Variants in NBEA observed in about 807,000 individuals in gnomAD.
NBEA encodes the protein neurobeachin.
Under a neutral mutation model 343.4 loss-of-function variants are expected in NBEA, and 44 were observed. That is an observed-to-expected ratio of 0.13 (90% CI 0.10 to 0.16). The LOEUF (loss-of-function observed/expected upper bound fraction) is 0.16, where lower values mean the gene tolerates loss of function less well. Ranked by LOEUF, NBEA falls within the 10% of genes least tolerant of loss-of-function variation. The probability of loss-of-function intolerance (pLI) is 1.00; values close to 1 mark genes in which losing one functional copy is unlikely to be tolerated. For missense variants in NBEA, 2,555 were observed against 3,631.3 expected, an observed-to-expected ratio of 0.70 and a Z score of 7.62; for synonymous variants, 1,175 against 1,238.7, an observed-to-expected ratio of 0.95 and a Z score of 1.08.
At chr13:35,212,149 T>G (rs1451334072) in intron 33 of NBEA, among the ~76,000 whole-genome samples, 1 of 152,192 alleles carries the variant, frequency 6.6e-6, no homozygotes, top group Non-Finnish European at 1.5e-5. Flanking sequence ...GAACGCCTAC[T>G]TTGCACTTTT....
intron 34 of NBEA, among the ~76,000 whole-genome samples, chr13:35,275,446 A>G (rs1194058781): frequency 2.0e-5 from 3 of 152,238 alleles, no homozygotes; most frequent in Non-Finnish European, 4.4e-5. Context: ...AGGCATGGGC[A>G]AGGACTTCAT....
intron 10 of NBEA, among the ~76,000 whole-genome samples, chr13:35,071,167 TG>T (rs1276118535): frequency 6.6e-6 from 1 of 152,070 alleles, no homozygotes; most frequent in African/African-American, 2.4e-5. Flanking sequence ...CATATACTCA[TG>T]GTTTGAATTG....
At position 35,649,777 on chromosome 13, in the gene NBEA, G is replaced by A. The variant is rs1451905590; in HGVS notation, c.7893G>A (p.Leu2631=). The change falls in exon 52 of 59, where the codon TTG becomes TTA. Residue 2631 remains leucine, a synonymous_variant. Coordinates refer to ENST00000379939, the MANE Select transcript of NBEA (RefSeq NM_001385012.1). ...THVAANTLPH[L]TIPAVVTVTC... ...TGGCAGCCAACACTCTGCCCCACTTGACCATCCCCGCAGTGGTGACAGTGA... is the reference window on the plus strand; with the variant it reads ...TGGCAGCCAACACTCTGCCCCACTTAACCATCCCCGCAGTGGTGACAGTGA... The A allele has an allele frequency of 6.2e-7, 1 of 1,613,826 alleles. No homozygotes were observed. Among genetic ancestry groups the A allele is most frequent in the Non-Finnish European group, 8.5e-7 (1 of 1,179,904 alleles).
At chr13:35,455,300 T>C (rs1186910477) in intron 40 of NBEA, among the ~76,000 whole-genome samples, 1 of 151,806 alleles carries the variant, frequency 6.6e-6, no homozygotes, top group African/African-American at 2.4e-5. Context: ...TAGAAGAAAG[T>C]ATGCTAATTA....
At chr13:35,564,386 G>C (rs907548785) in intron 44 of NBEA, among the ~76,000 whole-genome samples, 4 of 151,714 alleles carry the variant, frequency 2.6e-5, no homozygotes, top group Admixed American at 6.6e-5. Context: ...AAGTAGAACA[G>C]CTCCCCCAAG....
At chr13:35,639,641 A>T (rs2083848699) in intron 49 of NBEA, among the ~76,000 whole-genome samples, 1 of 152,182 alleles carries the variant, frequency 6.6e-6, no homozygotes, top group East Asian at 1.9e-4. Flanking sequence ...CAAAATGCTA[A>T]GGAAACTTTG....
intron 39 of NBEA, among the ~76,000 whole-genome samples, chr13:35,444,315 T>A (rs1237274018): frequency 6.6e-6 from 1 of 152,044 alleles, no homozygotes; most frequent in Non-Finnish European, 1.5e-5. Context: ...CAGCACCATT[T>A]AGAGTTACTA....
intron 41 of NBEA, among the ~76,000 whole-genome samples, chr13:35,489,247 G>A (rs2076415324): frequency 6.6e-6 from 1 of 151,888 alleles, no homozygotes; most frequent in Non-Finnish European, 1.5e-5. Flanking sequence ...ACATTCTCAA[G>A]TGAAGAGCTG....
At chr13:35,643,613 A>G (rs9601121) in intron 49 of NBEA, among the ~76,000 whole-genome samples, 414 of 152,352 alleles carry the variant, frequency 2.7e-3, no homozygotes, top group Non-Finnish European at 5.0e-3. Flanking sequence ...ACAAACAGAC[A>G]TACATAAATA....
intron 41 of NBEA, among the ~76,000 whole-genome samples, chr13:35,528,944 C>A (rs2078118881): frequency 6.6e-6 from 1 of 152,132 alleles, no homozygotes; most frequent in African/African-American, 2.4e-5. Flanking sequence ...GCCCCATATG[C>A]TATTCAAAGT....
chr13:35,154,654 AGAT>A (rs1327816964), intron 18 of NBEA, among the ~76,000 whole-genome samples: 1 of 152,198 alleles, frequency 6.6e-6, no homozygotes, highest in Non-Finnish European at 1.5e-5. Flanking sequence ...ATAACAGTGA[AGAT>A]GATGTTCAAA....
At chr13:35,243,367 A>G (rs1213571493) in intron 34 of NBEA, among the ~76,000 whole-genome samples, 2 of 151,924 alleles carry the variant, frequency 1.3e-5, no homozygotes, top group Non-Finnish European at 2.9e-5. Context: ...AGACAAAAAT[A>G]CAATGACATA....
chr13:35,398,684 A>G (rs2042859571), intron 38 of NBEA, among the ~76,000 whole-genome samples: 1 of 152,100 alleles, frequency 6.6e-6, no homozygotes, highest in Admixed American at 6.6e-5. Context: ...TCAGCTAACC[A>G]TGCTGTAAAC....
chr13:35,166,457 T>C (rs1187383886), intron 24 of NBEA, among the ~76,000 whole-genome samples: 1 of 152,174 alleles, frequency 6.6e-6, no homozygotes, highest in Non-Finnish European at 1.5e-5. Flanking sequence ...AGTTTGGAAT[T>C]TAAAATTATT....
chr13:35,266,474 C>T (rs1242865387), intron 34 of NBEA, among the ~76,000 whole-genome samples: 5 of 151,714 alleles, frequency 3.3e-5, no homozygotes, highest in South Asian at 2.1e-4. Flanking sequence ...AAAGAAAATA[C>T]GCTATATATA....
intron 40 of NBEA, among the ~76,000 whole-genome samples, chr13:35,469,410 G>A (rs2152957025): frequency 6.6e-6 from 1 of 152,144 alleles, no homozygotes; most frequent in Non-Finnish European, 1.5e-5. Context: ...TTTTAAATTA[G>A]ATAAATGGGA....
At chr13:35,520,904 A>G (rs1206399758) in intron 41 of NBEA, among the ~76,000 whole-genome samples, 1 of 151,960 alleles carries the variant, frequency 6.6e-6, no homozygotes, top group Non-Finnish European at 1.5e-5. Flanking sequence ...TTTCGGACAT[A>G]TCTTTACTGA....
At chr13:35,431,087 A>G (rs899207051) in intron 38 of NBEA, among the ~76,000 whole-genome samples, 6 of 152,076 alleles carry the variant, frequency 3.9e-5, no homozygotes, top group African/African-American at 1.2e-4. Context: ...ATGGCCATAC[A>G]TTGAAAAAAT....
intron 41 of NBEA, among the ~76,000 whole-genome samples, chr13:35,519,461 A>T (rs957092816): frequency 6.6e-6 from 1 of 152,154 alleles, no homozygotes; most frequent in Non-Finnish European, 1.5e-5. Context: ...AAATGTTCAT[A>T]TACTAGTGCT....
Sources: gnomAD v4.1 joint callset for allele counts (sites outside exome capture counted in the v4.1 genomes callset) on GRCh38, gnomAD v4.1.1 for gene constraint, MANE v1.5 for transcripts, NCBI Gene and HGNC (gene_info 2026-07-23, HGNC 2026-07-21) for gene names.